Variants in ULK4 observed in about 807,000 individuals in gnomAD.
ULK4 encodes the protein unc-51 like kinase 4, also known as inactive serine/threonine-protein kinase ULK4.
A neutral mutation model predicts 160.6 loss-of-function variants in ULK4; 133 were observed. The ratio of observed to expected loss-of-function variants is 0.83; its 90% CI spans 0.72 to 0.96. The LOEUF (loss-of-function observed/expected upper bound fraction) is 0.96, where lower values mean the gene tolerates loss of function less well. Among genes scored for constraint, ULK4 ranks in the 40% least tolerant of loss-of-function variants. The pLI, the probability that ULK4 is intolerant of heterozygous loss-of-function variation, is 0.00. For missense variants in ULK4, 1,580 were observed against 1,499.5 expected, an observed-to-expected ratio of 1.05 and a Z score of -0.89; for synonymous variants, 534 against 539.8, an observed-to-expected ratio of 0.99 and a Z score of 0.15.
At chr3:41,831,732 T>C (rs1391811913) in intron 18 of ULK4, among the ~76,000 whole-genome samples, 3 of 151,820 alleles carry the variant, frequency 2.0e-5, no homozygotes, top group Non-Finnish European at 4.4e-5. Context: ...CCCATGTGTG[T>C]TGTTCCCCTC....
intron 27 of ULK4, among the ~76,000 whole-genome samples, chr3:41,696,592 C>G (rs1201945543): frequency 6.6e-6 from 1 of 152,160 alleles, no homozygotes; most frequent in Non-Finnish European, 1.5e-5. Context: ...TCTTTTATCT[C>G]TTTGTCTTAT....
At chr3:41,563,524 T>C (rs2087677481) in intron 32 of ULK4, among the ~76,000 whole-genome samples, 1 of 152,240 alleles carries the variant, frequency 6.6e-6, no homozygotes, top group Non-Finnish European at 1.5e-5. Flanking sequence ...TCTTTTCAGA[T>C]AGTCCCATAT....
At chr3:41,564,675 C>T (rs2088192) in intron 32 of ULK4, among the ~76,000 whole-genome samples, 74,466 of 151,204 alleles carry the variant, frequency 0.49, 18,507 homozygotes, top group Middle Eastern at 0.58. Context: ...GCCAGGCTGG[C>T]CTCAAACTCC....
At chr3:41,605,897 C>T (rs114689249) in intron 31 of ULK4, among the ~76,000 whole-genome samples, 250 of 152,050 alleles carry the variant, frequency 1.6e-3, no homozygotes, top group African/African-American at 5.9e-3. Flanking sequence ...GCAAATAATG[C>T]AAACTATGTT....
At chr3:41,849,472 C>T (rs1039475490) in intron 17 of ULK4, among the ~76,000 whole-genome samples, 1 of 152,066 alleles carries the variant, frequency 6.6e-6, no homozygotes, top group African/African-American at 2.4e-5. Flanking sequence ...AGGTCAATGG[C>T]TGCCAGGGGT....
rs1228978038 is a variant in ULK4 at position 41,295,365 on chromosome 3, A to T, written c.3679-45791T>A. Among the ~76,000 whole-genome samples, 3 of 133,918 alleles carry T rather than the reference A, an allele frequency of 2.2e-5. 1 individual carries two copies. Among genetic ancestry groups the T allele is most frequent in the African/African-American group, 8.0e-5 (3 of 37,294 alleles). The allele number at this position is 133,918 out of a possible 152,430, so 87.9% of individuals were successfully genotyped here. On this transcript the variant is annotated intron_variant, in intron 35 of 36. Coordinates refer to ENST00000301831, the MANE Select transcript of ULK4 (RefSeq NM_017886.4). ...CTCAATGTGAAATGCAAAACTATAA[A>T]ACTCCTAAAAGATAACATAGGAAAA...
intron 35 of ULK4, among the ~76,000 whole-genome samples, chr3:41,354,893 G>A (rs1433285446): frequency 2.0e-5 from 3 of 152,200 alleles, no homozygotes; most frequent in Admixed American, 2.0e-4. Context: ...AGAATGGCTT[G>A]CTGACCTCAC....
At chr3:41,840,408 C>T (rs1219749737) in intron 17 of ULK4, among the ~76,000 whole-genome samples, 2 of 152,220 alleles carry the variant, frequency 1.3e-5, no homozygotes, top group African/African-American at 4.8e-5. Context: ...TTCAGTCTCC[C>T]TCTGTTGCCG....
chr3:41,607,306 C>T (rs2032428460), intron 31 of ULK4, among the ~76,000 whole-genome samples: 1 of 152,024 alleles, frequency 6.6e-6, no homozygotes, highest in African/African-American at 2.4e-5. Context: ...AATTATGAAG[C>T]CACAAATGTA....
chr3:41,678,921 T>A (rs549353381), intron 29 of ULK4, among the ~76,000 whole-genome samples: 1 of 152,226 alleles, frequency 6.6e-6, no homozygotes, highest in East Asian at 1.9e-4. Context: ...ATGGAGAGCA[T>A]GAATTTTCCA....
chr3:41,833,234 A>C (rs561190548), intron 18 of ULK4, among the ~76,000 whole-genome samples: 1 of 149,874 alleles, frequency 6.7e-6, no homozygotes, highest in East Asian at 1.9e-4. Context: ...TTCTCCTTGA[A>C]GAGGTCCTTC....
In ULK4 at chr3:41,800,265, G is replaced by C; in HGVS notation, c.1877C>G (p.Ala626Gly). ...GEERVVNHMA[A>G]KIIENVCTTF... ...GGTACAGACATTTTCAATAATTTTT[G>C]CTGCCATGTGATTCACAACACGCTC... Residue 626 changes from alanine to glycine, a missense_variant, in exon 20 of 37, where the codon GCA becomes GGA. Physicochemically the swap from Ala to Gly is moderately conservative, Grantham distance 60 (BLOSUM62 0). Coordinates refer to ENST00000301831, the MANE Select transcript of ULK4 (RefSeq NM_017886.4). The C allele has an allele frequency of 4.3e-6, 7 of 1,612,672 alleles. No homozygotes were observed. The highest frequency in any genetic ancestry group is 5.9e-6 in the Non-Finnish European group (7 of 1,179,638).
At chr3:41,807,624 C>A (rs138614764) in intron 19 of ULK4, among the ~76,000 whole-genome samples, 2 of 152,240 alleles carry the variant, frequency 1.3e-5, no homozygotes, top group East Asian at 3.9e-4. Context: ...AAGACTCAAT[C>A]TAGAGCATGA....
intron 32 of ULK4, among the ~76,000 whole-genome samples, chr3:41,470,705 T>C (rs1171741237): frequency 6.6e-6 from 1 of 152,048 alleles, no homozygotes; most frequent in Non-Finnish European, 1.5e-5. Flanking sequence ...AATTCTGATA[T>C]CAAAAACATA....
chr3:41,931,266 G>A (rs1022831104), intron 5 of ULK4, among the ~76,000 whole-genome samples: 12 of 152,088 alleles, frequency 7.9e-5, no homozygotes, highest in African/African-American at 2.4e-4. Context: ...TCACTCGTAA[G>A]TGGGAGTTGA....
intron 35 of ULK4, among the ~76,000 whole-genome samples, chr3:41,386,709 C>T (rs962776451): frequency 3.3e-5 from 5 of 152,128 alleles, no homozygotes; most frequent in Admixed American, 6.6e-5. Context: ...ATGCCTCTTG[C>T]AATGGTTCTG....
intron 22 of ULK4, among the ~76,000 whole-genome samples, chr3:41,742,708 A>G (rs899914113): frequency 2.6e-5 from 4 of 152,020 alleles, no homozygotes; most frequent in African/African-American, 9.7e-5. Flanking sequence ...AATGTTTCAA[A>G]AAGCATTACA....
In ULK4 at chr3:41,534,586, A is replaced by T. The variant is rs181249902; in HGVS notation, c.3226+31439T>A. ...AACATCAGTAACTACACTTAACAGT[A>T]TTTCTGTAGTTTGTGGCATGTCAAC... On this transcript the variant is annotated intron_variant, in intron 32 of 36. Transcript: ENST00000301831. Among the ~76,000 whole-genome samples, 9 of 152,006 alleles carry T rather than the reference A, an allele frequency of 5.9e-5. No individual in the cohort carries two copies. The East Asian group carries it at 1.5e-3, about 26-fold the overall frequency.
intron 35 of ULK4, among the ~76,000 whole-genome samples, chr3:41,381,655 C>G (rs1048202718): frequency 3.9e-5 from 6 of 152,094 alleles, no homozygotes; most frequent in South Asian, 2.1e-4. Context: ...TTTTTTACCC[C>G]CTCCAAGTCA....
Sources: gnomAD v4.1 joint callset for allele counts (sites outside exome capture counted in the v4.1 genomes callset) on GRCh38, gnomAD v4.1.1 for gene constraint, MANE v1.5 for transcripts, NCBI Gene and HGNC (gene_info 2026-07-23, HGNC 2026-07-21) for gene names.